Variants in KCTD16 observed in about 807,000 individuals in gnomAD.
KCTD16 encodes potassium channel tetramerization domain containing 16.
KCTD16 carries 13 observed loss-of-function variants against 33.2 expected under a neutral mutation model. The ratio of observed to expected loss-of-function variants is 0.39; its 90% CI spans 0.25 to 0.62. The LOEUF (loss-of-function observed/expected upper bound fraction) is 0.62. Among genes scored for constraint, KCTD16 ranks in the 20% least tolerant of loss-of-function variants. KCTD16 has a pLI of 0.50. For synonymous variants in KCTD16, 197 were observed against 195.3 expected (o/e 1.01, Z -0.07); for missense variants, 441 against 525.1 (o/e 0.84, Z 1.57).
chr5:144,374,478 A>G (rs1284091397), intron 3 of KCTD16, among the ~76,000 whole-genome samples: 1 of 152,300 alleles, frequency 6.6e-6, no homozygotes, highest in East Asian at 1.9e-4. Flanking sequence ...GTGACATAGT[A>G]TCATCTGCTA....
intron 3 of KCTD16, among the ~76,000 whole-genome samples, chr5:144,324,593 A>G (rs752556560): frequency 6.6e-6 from 1 of 152,230 alleles, no homozygotes; most frequent in Admixed American, 6.5e-5. Context: ...CCAAAGGAAT[A>G]TACATCATTC....
At chr5:144,429,264 T>C (rs1365531590) in intron 3 of KCTD16, among the ~76,000 whole-genome samples, 3 of 152,136 alleles carry the variant, frequency 2.0e-5, no homozygotes, top group Non-Finnish European at 2.9e-5. Flanking sequence ...AAATCCACCT[T>C]AGACAAGCTT....
chr5:144,388,065 GTTTT>G (rs397999492), intron 3 of KCTD16, among the ~76,000 whole-genome samples: 70 of 73,640 alleles, frequency 9.5e-4, no homozygotes, highest in African/African-American at 4.0e-3. Flanking sequence ...TTTAGAGCAA[GTTTT>G]TTTTTTTTTT....
rs377621880 is a variant in KCTD16 at position 144,419,223 on chromosome 5, C to T, written c.833-54437C>T. 1.5e-3 allele frequency among the ~76,000 whole-genome samples: 229 copies of T among 152,238 alleles called. 1 individual carries two copies. The highest frequency in any genetic ancestry group is 5.1e-3 in the African/African-American group (214 of 41,554). On this transcript the variant is annotated intron_variant, in intron 3 of 3. Coordinates refer to ENST00000512467, the MANE Select transcript of KCTD16 (RefSeq NM_020768.4). ...CTCCCACACTATTGTAATTTGCATCCCTGATATTCTTATGTTTGACTGCCT... is the reference window on the plus strand; with the variant it reads ...CTCCCACACTATTGTAATTTGCATCTCTGATATTCTTATGTTTGACTGCCT...
chr5:144,456,947 G>A (rs1754079775), intron 3 of KCTD16, among the ~76,000 whole-genome samples: 1 of 152,080 alleles, frequency 6.6e-6, no homozygotes, highest in South Asian at 2.1e-4. Context: ...CTGAAAGGTG[G>A]GGGAACACAG....
intron 3 of KCTD16, among the ~76,000 whole-genome samples, chr5:144,220,536 G>A (rs191766897): frequency 1.5e-4 from 23 of 152,062 alleles, no homozygotes; most frequent in African/African-American, 5.5e-4. Flanking sequence ...CTCTCACCAT[G>A]AAGGCAGCAG....
At chr5:144,422,389 T>A (rs905174209) in intron 3 of KCTD16, among the ~76,000 whole-genome samples, 1 of 152,298 alleles carries the variant, frequency 6.6e-6, no homozygotes, top group Admixed American at 6.5e-5. Context: ...ATCCACATTT[T>A]AAAAATTTCA....
At chr5:144,432,195 C>CT (rs919722688) in intron 3 of KCTD16, among the ~76,000 whole-genome samples, 36 of 152,142 alleles carry the variant, frequency 2.4e-4, no homozygotes, top group African/African-American at 8.2e-4. Flanking sequence ...CCAATATTAT[C>CT]TTTTTTCCTT....
In KCTD16 at chr5:144,207,308, T is replaced by C. The variant is rs1270957758; in HGVS notation, c.594T>C (p.Ile198=). 2 of 1,614,186 alleles carry C rather than the reference T, an allele frequency of 1.2e-6. No individual in the cohort carries two copies. Among genetic ancestry groups the C allele is most frequent in the East Asian group, 4.5e-5 (2 of 44,872 alleles). The change falls in exon 3 of 4, where the codon ATT becomes ATC. Residue 198 remains isoleucine, a synonymous_variant. Transcript: ENST00000512467. ...RVPRILVCGR[I]SLAKEVFGET... is the part of the protein sequence containing the mutation. ...CCCGGATTTTGGTTTGTGGAAGGAT[T>C]TCCTTGGCAAAAGAAGTCTTTGGAG...
intron 3 of KCTD16, among the ~76,000 whole-genome samples, chr5:144,437,293 A>C (rs1123825): frequency 6.6e-6 from 1 of 152,096 alleles, no homozygotes; most frequent in African/African-American, 2.4e-5. Context: ...GAAGGAGTAA[A>C]TGTCCCATTG....
At chr5:144,239,452 A>G (rs1380615026) in intron 3 of KCTD16, among the ~76,000 whole-genome samples, 2 of 152,102 alleles carry the variant, frequency 1.3e-5, no homozygotes, top group African/African-American at 4.8e-5. Context: ...AAAGAATCTA[A>G]TTTAGTTTGC....
chr5:144,438,889 T>TA (rs746288491), intron 3 of KCTD16, among the ~76,000 whole-genome samples: 1 of 152,180 alleles, frequency 6.6e-6, no homozygotes, highest in Non-Finnish European at 1.5e-5. Flanking sequence ...AAAAAGCCTG[T>TA]AAGTCACCAT....
intron 3 of KCTD16, among the ~76,000 whole-genome samples, chr5:144,366,975 C>T (rs1356570642): frequency 6.6e-6 from 1 of 152,180 alleles, no homozygotes; most frequent in East Asian, 1.9e-4. Flanking sequence ...CTCATGGCCT[C>T]TGCCTCCCTA....
At chr5:144,347,559 C>T (rs925236747) in intron 3 of KCTD16, among the ~76,000 whole-genome samples, 1 of 152,184 alleles carries the variant, frequency 6.6e-6, no homozygotes, top group Non-Finnish European at 1.5e-5. Flanking sequence ...CGCACCATCG[C>T]ACTCTAGCCT....
intron 1 of KCTD16, among the ~76,000 whole-genome samples, chr5:144,172,909 C>T (rs917580629): frequency 6.6e-6 from 1 of 152,030 alleles, no homozygotes; most frequent in South Asian, 2.1e-4. Flanking sequence ...TCTATTTCTT[C>T]TGAATCAAAA....
At chr5:144,188,624 A>G (rs2126778358) in intron 2 of KCTD16, among the ~76,000 whole-genome samples, 1 of 152,368 alleles carries the variant, frequency 6.6e-6, no homozygotes, top group East Asian at 1.9e-4. Context: ...ATCAAATGTA[A>G]TAAAGAGGCA....
At chr5:144,405,024 C>G (rs1752781010) in intron 3 of KCTD16, among the ~76,000 whole-genome samples, 1 of 152,120 alleles carries the variant, frequency 6.6e-6, no homozygotes, top group Non-Finnish European at 1.5e-5. Context: ...TTAGTTAACA[C>G]TTATTGAGTG....
At chr5:144,338,475 A>G (rs991641898) in intron 3 of KCTD16, among the ~76,000 whole-genome samples, 5 of 152,194 alleles carry the variant, frequency 3.3e-5, no homozygotes, top group African/African-American at 9.7e-5. Flanking sequence ...TGTAGTGCAT[A>G]TGGATCATAG....
chr5:144,186,045 T>C (rs940358487), intron 2 of KCTD16, among the ~76,000 whole-genome samples: 4 of 152,168 alleles, frequency 2.6e-5, no homozygotes, highest in Non-Finnish European at 5.9e-5. Context: ...CAAGTGAGCT[T>C]CAGAATCTCT....
Sources: allele counts gnomAD v4.1 joint callset (sites outside exome capture counted in the v4.1 genomes callset), GRCh38; gene constraint gnomAD v4.1.1; transcripts MANE v1.5; gene names NCBI Gene and HGNC (gene_info 2026-07-23, HGNC 2026-07-21).